Variants in TMEM62 observed in about 807,000 individuals in gnomAD.
TMEM62 encodes the protein transmembrane protein 62.
A neutral mutation model predicts 70.4 loss-of-function variants in TMEM62; 41 were observed. The ratio of observed to expected loss-of-function variants is 0.58; its 90% CI spans 0.45 to 0.76. The LOEUF (loss-of-function observed/expected upper bound fraction) is 0.76. TMEM62 is among the 30% of genes least tolerant of loss of function. TMEM62 has a pLI of 0.00. For missense variants in TMEM62, 688 were observed against 788.5 expected (o/e 0.87, Z 1.53); for synonymous variants, 268 against 291.0 (o/e 0.92, Z 0.80).
chr15:43,149,236 A>G (rs1375421493), intron 7 of TMEM62, 85 bp downstream of exon 7: 4 of 1,375,822 alleles, frequency 2.9e-6, no homozygotes, highest in Non-Finnish European at 4.0e-6. Flanking sequence ...ATCATGGGTG[A>G]TCACAGTTAA....
intron 9 of TMEM62, among the ~76,000 whole-genome samples, chr15:43,158,726 A>T (rs956696932): frequency 6.6e-6 from 1 of 152,244 alleles, no homozygotes; most frequent in Non-Finnish European, 1.5e-5. Context: ...CCAGATATAA[A>T]GTTCACACAC....
chr15:43,173,523 T>G (rs556636489), intron 11 of TMEM62, among the ~76,000 whole-genome samples: 1 of 152,344 alleles, frequency 6.6e-6, no homozygotes, highest in East Asian at 1.9e-4. Flanking sequence ...ACCAGTTACC[T>G]GTATTTTAGC....
At chr15:43,167,217 A>AC (rs561043353) in intron 10 of TMEM62, among the ~76,000 whole-genome samples, 149 of 143,258 alleles carry the variant, frequency 1.0e-3, no homozygotes, top group South Asian at 0.01. Context: ...CGGGGGGCTG[A>AC]CCCCCCACCT....
At chr15:43,154,182 G>T (rs930387857) in intron 8 of TMEM62, among the ~76,000 whole-genome samples, 2 of 152,058 alleles carry the variant, frequency 1.3e-5, no homozygotes, top group African/African-American at 4.8e-5. Flanking sequence ...TTTTTGGTGG[G>T]AGCTGGATAT....
chr15:43,171,378 A>G (rs577146260), intron 11 of TMEM62, among the ~76,000 whole-genome samples: 170 of 151,512 alleles, frequency 1.1e-3, no homozygotes, highest in African/African-American at 4.1e-3. Context: ...AACCATCCTG[A>G]TGATATAAAA....
At position 43,135,551 on chromosome 15, in the gene TMEM62, C is replaced by A; in HGVS notation, c.332C>A (p.Ser111Tyr). 6.2e-7 allele frequency: 1 copy of A among 1,611,010 alleles called. No individual in the cohort carries two copies. Among genetic ancestry groups the A allele is most frequent in the South Asian group, 1.1e-5 (1 of 90,314 alleles). The change falls in exon 3 of 14, where the codon TCC becomes TAC. Residue 111 changes from serine to tyrosine, a missense_variant. Physicochemically the swap from Ser to Tyr is moderately radical, Grantham distance 144. Transcript: ENST00000260403. ...GCCAAAACAAAGGAACAGTTGGGAT[C>A]CAGGCAGCATGAGGTAGAATGGCAA... Reference protein sequence around the residue: ...TDAKTKEQLGSRQHEVEWQTY... With the variant: ...TDAKTKEQLGYRQHEVEWQTY...
At position 43,133,795 on chromosome 15, in the gene TMEM62, CG is replaced by C; in HGVS notation, c.-5del. ...TCAGCGAGGGCCGCGCCCCGGCGGG[CG>C]GGCGGCATGGCTGCAGTGCTGGCTC... On this transcript the variant is annotated 5_prime_UTR_variant, in exon 1 of 14. Coordinates refer to ENST00000260403, the MANE Select transcript of TMEM62 (RefSeq NM_024956.4). 1 of 1,359,452 alleles carries C rather than the reference CG, an allele frequency of 7.4e-7. No homozygotes were observed. Among genetic ancestry groups the C allele is most frequent in the Admixed American group, 3.8e-5 (1 of 26,318 alleles). The allele number at this position is 1,359,452 out of a possible 1,614,324, so 84.2% of individuals were successfully genotyped here.
intron 9 of TMEM62, among the ~76,000 whole-genome samples, chr15:43,155,057 G>C (rs548702962): frequency 1.9e-4 from 29 of 152,162 alleles, no homozygotes; most frequent in African/African-American, 6.5e-4. Flanking sequence ...GTGAAACCCT[G>C]TCTTTACAAA....
chr15:43,140,551 C>T (rs2035865245), intron 4 of TMEM62, among the ~76,000 whole-genome samples: 1 of 152,188 alleles, frequency 6.6e-6, no homozygotes, highest in Non-Finnish European at 1.5e-5. Flanking sequence ...TATTCTCCTT[C>T]TCTCTATCAA....
In TMEM62 at chr15:43,146,517, T is replaced by C. The variant is rs2036682059; in HGVS notation, c.501T>C (p.Asp167=). The change falls in exon 5 of 14, where the codon GAT becomes GAC. Residue 167 remains aspartate, a synonymous_variant. Coordinates refer to ENST00000260403, the MANE Select transcript of TMEM62 (RefSeq NM_024956.4). ...YYRKYSAVRR[D]GSFHYVHSTP... Reference sequence around the variant, plus strand: ...GGAAATATTCTGCTGTACGTAGAGATGGCTCTTTCCATTATGTCCACAGTA... The same window carrying C: ...GGAAATATTCTGCTGTACGTAGAGACGGCTCTTTCCATTATGTCCACAGTA... 3.1e-6 allele frequency: 5 copies of C among 1,613,406 alleles called. No homozygotes were observed. Among genetic ancestry groups the C allele is most frequent in the Non-Finnish European group, 4.2e-6 (5 of 1,179,700 alleles).
Position 43,152,001 on chromosome 15 carries a change from C to A in TMEM62, c.1022+56C>A. The A allele has an allele frequency of 2.9e-6, 4 of 1,382,058 alleles. No homozygotes were observed. The South Asian group carries it at 4.2e-5, about 14-fold the overall frequency. 85.6% of individuals were successfully genotyped at this position (1,382,058 alleles called of 1,614,324 possible). On this transcript the variant is annotated intron_variant, in intron 8 of 13. Coordinates refer to ENST00000260403, the MANE Select transcript of TMEM62 (RefSeq NM_024956.4). The stretch of plus-strand genomic sequence containing the variant: ...AGTTTGATAATGAAGGAGAATAAGT[C>A]ATTGTGATTGCATTCCCATGTGAAA...
At chr15:43,158,302 C>T (rs1050906462) in intron 9 of TMEM62, among the ~76,000 whole-genome samples, 3 of 152,136 alleles carry the variant, frequency 2.0e-5, no homozygotes, top group African/African-American at 7.2e-5. Flanking sequence ...TGTTGGTAGC[C>T]TTATCCACTG....
At chr15:43,143,816 G>A (rs1486632512) in intron 4 of TMEM62, among the ~76,000 whole-genome samples, 1 of 152,174 alleles carries the variant, frequency 6.6e-6, no homozygotes, top group African/African-American at 2.4e-5. Context: ...TGGTTGCAGT[G>A]CACTTTTCAG....
In TMEM62 at chr15:43,178,652, T is replaced by A; in HGVS notation, c.1427T>A (p.Leu476Ter). 6.2e-7 allele frequency: 1 copy of A among 1,613,404 alleles called. No individual in the cohort carries two copies. The change falls in exon 12 of 14, where the codon TTG becomes TAG. Residue 476 changes from leucine (L) to a stop codon, truncating the protein, a stop_gained. Transcript: ENST00000260403. LOFTEE classifies it high-confidence loss of function. ...CTGACCTCATTTTCTCTTCATGTCT[T>A]GAGCAAAATAAACATCTTCTACTAT... ...INLTSFSLHV[L>*]SKINIFYYSV...
At chr15:43,133,476 G>T, upstream of TMEM62, 1 of 249,164 alleles carries the variant, frequency 4.0e-6, no homozygotes, top group Non-Finnish European at 7.6e-6. Context: ...CCGCCTCCCG[G>T]CCACTGGTCC....
intron 11 of TMEM62, 24 bp from the exon 12 acceptor site, chr15:43,178,583 G>T (rs771347230): frequency 1.0e-5 from 15 of 1,497,102 alleles, no homozygotes; most frequent in Non-Finnish European, 1.9e-6. Flanking sequence ...TGTTCACTGG[G>T]TTTTTCAACT....
intron 2 of TMEM62, 44 bp downstream of exon 2, chr15:43,134,412 T>C: frequency 1.3e-6 from 2 of 1,482,946 alleles, no homozygotes; most frequent in Non-Finnish European, 1.9e-6. Context: ...GTGGTCCGCA[T>C]GGTAGAACTC....
Position 43,133,883 on chromosome 15 carries a change from C to T in TMEM62, c.81C>T (p.Gly27=), listed in dbSNP as rs1394318929. The change falls in exon 1 of 14, where the codon GGC becomes GGT. Residue 27 remains glycine (G), a synonymous_variant. Transcript: ENST00000260403. ...ALVAMLLEHY[G]LAGQPSPLPR... is the part of the protein sequence containing the mutation. ...TGGCCATGCTCTTGGAGCACTACGGCCTGGCGGGCCAGCCCTCGCCGCTGC... is the reference window on the plus strand; with the variant it reads ...TGGCCATGCTCTTGGAGCACTACGGTCTGGCGGGCCAGCCCTCGCCGCTGC... 6.7e-7 allele frequency: 1 copy of T among 1,500,624 alleles called. No homozygotes were observed. The highest frequency in any genetic ancestry group is 8.8e-7 in the Non-Finnish European group (1 of 1,133,116). 93.0% of individuals were successfully genotyped at this position (1,500,624 alleles called of 1,614,324 possible).
intron 5 of TMEM62, 103 bp downstream of exon 5, chr15:43,146,737 TG>T: frequency 9.3e-7 from 1 of 1,071,358 alleles, no homozygotes; most frequent in Non-Finnish European, 1.3e-6. Context: ...TATCTAGGAA[TG>T]CTTTGGAGAA....
Sources: gnomAD v4.1 joint callset for allele counts (sites outside exome capture counted in the v4.1 genomes callset) on GRCh38, gnomAD v4.1.1 for gene constraint, MANE v1.5 for transcripts, NCBI Gene and HGNC (gene_info 2026-07-23, HGNC 2026-07-21) for gene names.